The following CCDC92B variants were observed in gnomAD, a reference collection of about 807,000 sequenced individuals.
CCDC92B encodes the protein coiled-coil domain containing 92B, also known as coiled-coil domain-containing 92B.
In CCDC92B, 2 loss-of-function variants were observed where a neutral mutation model predicts 5.6. The ratio of observed to expected loss-of-function variants is 0.36; its 90% CI spans 0.15 to 1.12. The LOEUF is 1.12. Among genes scored for constraint, CCDC92B ranks in the 50% most tolerant of loss-of-function variants. The pLI is 0.40. For synonymous variants in CCDC92B, 115 were observed against 122.3 expected, an observed-to-expected ratio of 0.94 and a Z score of 0.39; for missense variants, 271 against 262.2, an observed-to-expected ratio of 1.03 and a Z score of -0.23.
At chr17:2,739,737 G>A (rs2070906527) in intron 1 of CCDC92B, among the ~76,000 whole-genome samples, 1 of 152,054 alleles carries the variant, frequency 6.6e-6, no homozygotes, top group South Asian at 2.1e-4. Context: ...ATAAAGAAAT[G>A]TAAAGTGCTT....
At chr17:2,747,095 C>T (rs2070995712) in intron 1 of CCDC92B, among the ~76,000 whole-genome samples, 1 of 152,176 alleles carries the variant, frequency 6.6e-6, no homozygotes, top group Non-Finnish European at 1.5e-5. Flanking sequence ...TCTTTCTTTC[C>T]CTCAAGCAGA....
At chr17:2,730,637 C>T in intron 2 of CCDC92B, 144 bp from the exon 3 acceptor site, 1 of 263,390 alleles carries the variant, frequency 3.8e-6, no homozygotes, top group Non-Finnish European at 5.9e-6. Context: ...TAGAAGCCAC[C>T]TCCACACTAT....
At chr17:2,747,422 T>C (rs1490886142) in intron 1 of CCDC92B, among the ~76,000 whole-genome samples, 6 of 152,156 alleles carry the variant, frequency 3.9e-5, no homozygotes, top group Non-Finnish European at 8.8e-5. Flanking sequence ...AGCATGGCGA[T>C]AAGTGAACAA....
intron 1 of CCDC92B, among the ~76,000 whole-genome samples, chr17:2,743,198 G>A (rs2070942222): frequency 6.6e-6 from 1 of 152,202 alleles, no homozygotes; most frequent in African/African-American, 2.4e-5. Flanking sequence ...GGGAGGCCGA[G>A]GCGGGAGGAT....
At chr17:2,727,101 C>T (rs1229750221) in intron 3 of CCDC92B, among the ~76,000 whole-genome samples, 5 of 152,072 alleles carry the variant, frequency 3.3e-5, no homozygotes, top group South Asian at 2.1e-4. Context: ...GGGCTGGTCT[C>T]GAACTTGTGG....
At chr17:2,731,051 C>T (rs2070789718) in intron 2 of CCDC92B, among the ~76,000 whole-genome samples, 1 of 152,230 alleles carries the variant, frequency 6.6e-6, no homozygotes, top group Non-Finnish European at 1.5e-5. Flanking sequence ...ACCTGAACAT[C>T]AGCGCTGCCC....
intron 1 of CCDC92B, among the ~76,000 whole-genome samples, chr17:2,742,903 T>A (rs2070939405): frequency 6.6e-6 from 1 of 152,246 alleles, no homozygotes; most frequent in Non-Finnish European, 1.5e-5. Flanking sequence ...TTGGGAGTCA[T>A]GTTTGATTCC....
rs180722111 is a variant in CCDC92B at position 2,748,616 on chromosome 17, C to G, written c.-24+795G>C. The G allele has an allele frequency of 1.1e-3, 1,106 of 984,804 alleles. 3 individuals carry two copies. The highest frequency in any genetic ancestry group is 1.3e-3 in the Non-Finnish European group (1,064 of 829,432). 61.0% of individuals were successfully genotyped at this position (984,804 alleles called of 1,614,324 possible). A position where few individuals can be genotyped will look rare whatever the true frequency, so the allele number is the denominator to read the frequency against. Reference sequence around the variant, plus strand: ...GGCAAGGCTTTGTCTCTGGGAATCTCTTGCAAGGAACAGGCCCACAATGAA... The same window carrying G: ...GGCAAGGCTTTGTCTCTGGGAATCTGTTGCAAGGAACAGGCCCACAATGAA... On this transcript the variant is annotated intron_variant, in intron 1 of 3. Coordinates refer to ENST00000614400, the MANE Select transcript of CCDC92B (RefSeq NM_001355573.2).
Position 2,724,246 on chromosome 17 carries a change from C to T in CCDC92B, c.*165G>A. 7.1e-6 allele frequency: 7 copies of T among 985,234 alleles called. No individual in the cohort carries two copies. The highest frequency in any genetic ancestry group is 8.4e-6 in the Non-Finnish European group (7 of 829,784). 61.0% of individuals were successfully genotyped at this position (985,234 alleles called of 1,614,324 possible). A position where few individuals can be genotyped will look rare whatever the true frequency, so the allele number is the denominator to read the frequency against. ...GAAGCTTTGGAAACGTCGGGAAGTACAAAAGGCTGGCGGTTCGGGGATTTG... is the reference window on the plus strand; with the variant it reads ...GAAGCTTTGGAAACGTCGGGAAGTATAAAAGGCTGGCGGTTCGGGGATTTG... On this transcript the variant is annotated 3_prime_UTR_variant, in exon 4 of 4. Coordinates refer to ENST00000614400, the MANE Select transcript of CCDC92B (RefSeq NM_001355573.2). The surrounding 1 kb of genome is among the most constrained non-coding windows in gnomAD (Gnocchi z 5.0).
chr17:2,722,641 G>A lies in CCDC92B; in HGVS notation c.*1770C>T, dbSNP rs2070670768. ...GACTCCCCCTTCTTCATGGGGCTGT[G>A]ATGGGAGAAGAGCTCGTCACCCCTA... On this transcript the variant is annotated 3_prime_UTR_variant, in exon 4 of 4. Transcript: ENST00000614400. 6.6e-6 allele frequency: 1 copy of A among 152,294 alleles called. No homozygotes were observed. Among genetic ancestry groups the A allele is most frequent in the African/African-American group, 2.4e-5 (1 of 41,458 alleles). 9.4% of individuals were successfully genotyped at this position (152,294 alleles called of 1,614,324 possible). A position where few individuals can be genotyped will look rare whatever the true frequency, so the allele number is the denominator to read the frequency against.
chr17:2,742,871 A>G (rs2070939175), intron 1 of CCDC92B, among the ~76,000 whole-genome samples: 1 of 152,132 alleles, frequency 6.6e-6, no homozygotes. Flanking sequence ...TTGCCCACTC[A>G]TTCTGTTGCT....
chr17:2,738,669 G>A (rs1021226610), intron 1 of CCDC92B, among the ~76,000 whole-genome samples: 2 of 151,482 alleles, frequency 1.3e-5, no homozygotes, highest in Admixed American at 6.6e-5. Flanking sequence ...GCCGAGGCAG[G>A]AGAATGGCTG....
intron 1 of CCDC92B, among the ~76,000 whole-genome samples, chr17:2,739,686 AATAG>A (rs148711292): frequency 1.6e-4 from 25 of 152,068 alleles, no homozygotes; most frequent in South Asian, 2.1e-4. Flanking sequence ...GTCTCAAAAA[AATAG>A]ATAGATAGAT....
At position 2,724,202 on chromosome 17, in the gene CCDC92B, T is replaced by C. The variant is rs995860680; in HGVS notation, c.*209A>G. The C allele has an allele frequency of 2.0e-6, 2 of 985,228 alleles. No homozygotes were observed. Among genetic ancestry groups the C allele is most frequent in the African/African-American group, 1.7e-5 (1 of 57,296 alleles). 61.0% of individuals were successfully genotyped at this position (985,228 alleles called of 1,614,324 possible). A position where few individuals can be genotyped will look rare whatever the true frequency, so the allele number is the denominator to read the frequency against. On this transcript the variant is annotated 3_prime_UTR_variant, in exon 4 of 4. Transcript: ENST00000614400. This position sits in a 1 kb window ranked among gnomAD's most constrained non-coding sequence, Gnocchi z 5.0. ...CCCGCTCGGCCCCGCGGAGGAACTC[T>C]CGCGCGAGGAGAGGGCTCGAAGCTT...
intron 3 of CCDC92B, among the ~76,000 whole-genome samples, chr17:2,727,020 TCAGCCTTCCCAGGAGTTGGGACCA>T (rs1281506039): frequency 1.3e-5 from 2 of 149,814 alleles, no homozygotes; most frequent in African/African-American, 4.9e-5. Context: ...TTCTCCCACC[TCAGCCTTCCCAGGAGTTGGGACCA>T]CAGGCATGCA....
At chr17:2,741,926 C>T (rs1327634660) in intron 1 of CCDC92B, among the ~76,000 whole-genome samples, 1 of 143,816 alleles carries the variant, frequency 7.0e-6, no homozygotes, top group Non-Finnish European at 1.5e-5. Context: ...GCGGAGGTTG[C>T]AGTGAGCCGA....
chr17:2,737,077 T>G (rs1460596087), intron 1 of CCDC92B, among the ~76,000 whole-genome samples: 2 of 152,044 alleles, frequency 1.3e-5, no homozygotes, highest in South Asian at 2.1e-4. Flanking sequence ...CTCTGCTGCT[T>G]CTGGCTCCGC....
At chr17:2,727,907 C>A (rs2070751650) in intron 3 of CCDC92B, among the ~76,000 whole-genome samples, 1 of 151,956 alleles carries the variant, frequency 6.6e-6, no homozygotes, top group Non-Finnish European at 1.5e-5. Flanking sequence ...CAGGGGAGGG[C>A]TGAGGTGGGA....
rs1332125066 is a variant in CCDC92B at position 2,727,979 on chromosome 17, C to T, written c.178+2467G>A. On this transcript the variant is annotated intron_variant, in intron 3 of 3. Coordinates refer to ENST00000614400, the MANE Select transcript of CCDC92B (RefSeq NM_001355573.2). ...GCTATGATTCTGCTACTGCACACTA[C>T]AGCCTGGACAACAGAGCAAGATCCT... 5.9e-5 allele frequency among the ~76,000 whole-genome samples: 9 copies of T among 152,064 alleles called. No individual in the cohort carries two copies. In the South Asian group the frequency reaches 1.7e-3, roughly 28 times the overall value.
Sources: allele counts gnomAD v4.1 joint callset (sites outside exome capture counted in the v4.1 genomes callset), GRCh38; gene constraint gnomAD v4.1.1; non-coding constraint Gnocchi (gnomAD v3.1); transcripts MANE v1.5; gene names NCBI Gene and HGNC (gene_info 2026-07-23, HGNC 2026-07-21).